Variants in WWOX observed in about 807,000 individuals in gnomAD.
The protein encoded by WWOX is WW domain containing oxidoreductase.
WWOX carries 69 observed loss-of-function variants against 46.2 expected under a neutral mutation model. The ratio of observed to expected loss-of-function variants is 1.49; its 90% CI spans 1.23 to 1.82. The LOEUF (loss-of-function observed/expected upper bound fraction) is 1.82, where lower values mean the gene tolerates loss of function less well. Among genes scored for constraint, WWOX ranks in the 40% most tolerant of loss-of-function variants. The pLI is 0.00. For missense variants in WWOX, 919 were observed against 542.6 expected (o/e 1.69, Z -6.89); for synonymous variants, 359 against 202.6 (o/e 1.77, Z -6.56).
In WWOX at chr16:79,211,601, T is replaced by G; in HGVS notation, c.1057-7T>G. 6.2e-7 allele frequency: 1 copy of G among 1,614,202 alleles called. No homozygotes were observed. The highest frequency in any genetic ancestry group is 8.5e-7 in the Non-Finnish European group (1 of 1,180,044). On this transcript the variant is annotated splice_region_variant and splice_polypyrimidine_tract_variant and intron_variant, in intron 8 of 8. Coordinates refer to ENST00000566780, the MANE Select transcript of WWOX (RefSeq NM_016373.4). ...ATTTTTTTTTGTCTTTCTTCTTGGA[T>G]TTCCAGCAACAGGGAGCTGCCACCA...
chr16:78,527,536 A>C (rs1217931356), intron 8 of WWOX, among the ~76,000 whole-genome samples: 1 of 152,084 alleles, frequency 6.6e-6, no homozygotes, highest in Non-Finnish European at 1.5e-5. Flanking sequence ...TCAAGTGATG[A>C]GACTGCCTCA....
At chr16:78,515,507 G>T (rs1317870737) in intron 8 of WWOX, among the ~76,000 whole-genome samples, 4 of 152,186 alleles carry the variant, frequency 2.6e-5, no homozygotes, top group Non-Finnish European at 4.4e-5. Flanking sequence ...TTCCCCGGAA[G>T]TGTGCAAGAA....
intron 5 of WWOX, among the ~76,000 whole-genome samples, chr16:78,301,810 G>T (rs574448256): frequency 6.6e-6 from 1 of 152,126 alleles, no homozygotes; most frequent in Non-Finnish European, 1.5e-5. Flanking sequence ...TCAGGATTAC[G>T]TTACCTAGGG....
chr16:78,738,611 C>T (rs992568409), intron 8 of WWOX, among the ~76,000 whole-genome samples: 4 of 152,134 alleles, frequency 2.6e-5, no homozygotes, highest in Non-Finnish European at 4.4e-5. Flanking sequence ...CCCTGAACAG[C>T]CATTTATATT....
At chr16:78,261,855 T>C in intron 5 of WWOX, among the ~76,000 whole-genome samples, 1 of 148,818 alleles carries the variant, frequency 6.7e-6, no homozygotes, top group Non-Finnish European at 1.5e-5. Context: ...ACAGTTGTAA[T>C]TCACATTTTT....
chr16:79,132,946 G>A (rs931421514), intron 8 of WWOX, among the ~76,000 whole-genome samples: 2 of 152,118 alleles, frequency 1.3e-5, no homozygotes, highest in Non-Finnish European at 2.9e-5. Flanking sequence ...TCTGAGTTTC[G>A]CCTCCTCGAT....
intron 6 of WWOX, among the ~76,000 whole-genome samples, chr16:78,390,034 A>C (rs2082146923): frequency 2.6e-5 from 4 of 152,210 alleles, no homozygotes; most frequent in Admixed American, 2.6e-4. Flanking sequence ...GGCGTGAGCC[A>C]CCCTGCCCGA....
chr16:78,137,277 A>G (rs2033828307), intron 4 of WWOX, among the ~76,000 whole-genome samples: 2 of 152,156 alleles, frequency 1.3e-5, no homozygotes, highest in Admixed American at 1.3e-4. Flanking sequence ...TGGATTGTGA[A>G]TCCTCACCCT....
At chr16:78,943,415 A>T (rs1480735526) in intron 8 of WWOX, among the ~76,000 whole-genome samples, 4 of 150,964 alleles carry the variant, frequency 2.6e-5, no homozygotes, top group Admixed American at 2.6e-4. Flanking sequence ...AGGCCAGATA[A>T]CCCATCCAGA....
At chr16:78,640,899 A>C (rs1414915907) in intron 8 of WWOX, among the ~76,000 whole-genome samples, 2 of 149,598 alleles carry the variant, frequency 1.3e-5, no homozygotes, top group African/African-American at 4.9e-5. Flanking sequence ...AGATCATGCC[A>C]CTGCACTCCA....
In WWOX at chr16:79,212,334, C is replaced by G. The variant is rs768659654; in HGVS notation, c.*538C>G. On this transcript the variant is annotated 3_prime_UTR_variant, in exon 9 of 9. Transcript: ENST00000566780. ...ACAAATCTCAGAACCTTGTCCCAGCCAGTGAGGATGACAGTGACACCCAGA... is the reference window on the plus strand; with the variant it reads ...ACAAATCTCAGAACCTTGTCCCAGCGAGTGAGGATGACAGTGACACCCAGA... 39 of 719,642 alleles carry G rather than the reference C, an allele frequency of 5.4e-5. No homozygotes were observed. The highest frequency in any genetic ancestry group is 8.3e-5 in the Non-Finnish European group (38 of 459,688). The allele number at this position is 719,642 out of a possible 1,614,324, so 44.6% of individuals were successfully genotyped here.
In WWOX at chr16:78,293,978, G is replaced by GAAAAAAAAAAAAAAAAAAAA. The variant is rs35079271; in HGVS notation, c.517-92869_517-92850dup. ...GGCGACAGAGTGAGACTCTGTCTCA[G>GAAAAAAAAAAAAAAAAAAAA]AAAAAAAAAAAAAAAAAAAAAAAAA... On this transcript the variant is annotated intron_variant, in intron 5 of 8. Coordinates refer to ENST00000566780, the MANE Select transcript of WWOX (RefSeq NM_016373.4). 9.9e-5 allele frequency among the ~76,000 whole-genome samples: 3 copies of GAAAAAAAAAAAAAAAAAAAA among 30,310 alleles called. 1 individual carries two copies. The highest frequency in any genetic ancestry group is 2.0e-4 in the Non-Finnish European group (3 of 14,972). The allele number at this position is 30,310 out of a possible 152,430, so 19.9% of individuals were successfully genotyped here.
intron 8 of WWOX, among the ~76,000 whole-genome samples, chr16:79,022,608 G>T (rs565108922): frequency 2.0e-5 from 3 of 152,286 alleles, no homozygotes; most frequent in African/African-American, 7.2e-5. Context: ...TAGGATGTCA[G>T]TCCCAGTTTT....
At chr16:79,025,282 A>C (rs933250964) in intron 8 of WWOX, among the ~76,000 whole-genome samples, 1 of 152,178 alleles carries the variant, frequency 6.6e-6, no homozygotes, top group Non-Finnish European at 1.5e-5. Flanking sequence ...GGCCTGAGTT[A>C]AGACAGTAGC....
intron 8 of WWOX, among the ~76,000 whole-genome samples, chr16:78,716,496 A>T (rs1384844411): frequency 6.6e-6 from 1 of 152,084 alleles, no homozygotes; most frequent in Non-Finnish European, 1.5e-5. Context: ...GAGGAAGATG[A>T]TGCACTGCTT....
chr16:78,902,069 C>T (rs1431730147), intron 8 of WWOX, among the ~76,000 whole-genome samples: 2 of 152,170 alleles, frequency 1.3e-5, no homozygotes, highest in Admixed American at 6.5e-5. Context: ...CTGGCAAAAT[C>T]GTCTTGGAGA....
intron 8 of WWOX, among the ~76,000 whole-genome samples, chr16:78,757,731 GTAAA>G (rs1430188397): frequency 2.7e-5 from 4 of 150,922 alleles, no homozygotes; most frequent in Non-Finnish European, 5.9e-5. Context: ...ATTTATATAA[GTAAA>G]TAAATTTTCC....
chr16:78,951,111 C>T (rs1037568493), intron 8 of WWOX, among the ~76,000 whole-genome samples: 1 of 152,206 alleles, frequency 6.6e-6, no homozygotes, highest in African/African-American at 2.4e-5. Flanking sequence ...CAAACACAGC[C>T]CTAACTTGCT....
intron 8 of WWOX, among the ~76,000 whole-genome samples, chr16:78,538,546 G>T (rs142969667): frequency 6.6e-6 from 1 of 152,186 alleles, no homozygotes; most frequent in Non-Finnish European, 1.5e-5. Flanking sequence ...CCTTCCAGAC[G>T]AGCATGCTCT....
Sources: allele counts gnomAD v4.1 joint callset (sites outside exome capture counted in the v4.1 genomes callset), GRCh38; gene constraint gnomAD v4.1.1; transcripts MANE v1.5; gene names NCBI Gene and HGNC (gene_info 2026-07-23, HGNC 2026-07-21).